FBXW7: variants seen among roughly 807,000 people sequenced by gnomAD.
FBXW7 encodes F-box/WD repeat-containing protein 7.
In FBXW7, 11 loss-of-function variants were observed where a neutral mutation model predicts 86.3. The observed-to-expected ratio is 0.13, with a 90% CI of 0.08 to 0.21. The LOEUF (loss-of-function observed/expected upper bound fraction) is 0.21, where lower values mean the gene tolerates loss of function less well. FBXW7 is among the 10% of genes least tolerant of loss of function. FBXW7 has a pLI of 1.00. For synonymous variants in FBXW7, 313 were observed against 297.9 expected (o/e 1.05, Z -0.52); for missense variants, 488 against 847.4 (o/e 0.58, Z 5.27).
chr4:152,435,687 G>A (rs566967062), intron 2 of FBXW7, among the ~76,000 whole-genome samples: 1 of 152,250 alleles, frequency 6.6e-6, no homozygotes, highest in South Asian at 2.1e-4. Context: ...TGTTTTACAG[G>A]CATACCTCAT....
intron 2 of FBXW7, among the ~76,000 whole-genome samples, chr4:152,453,406 G>C (rs1221541009): frequency 1.3e-5 from 2 of 151,940 alleles, no homozygotes; most frequent in East Asian, 3.9e-4. Context: ...TACAACTCTG[G>C]TTCATTCAGT....
chr4:152,445,706 G>A (rs1741309761), intron 2 of FBXW7, among the ~76,000 whole-genome samples: 1 of 152,046 alleles, frequency 6.6e-6, no homozygotes, highest in Admixed American at 6.6e-5. Context: ...CCAGGAGTTA[G>A]AGATCAGCCT....
chr4:152,372,373 T>C (rs1560818658), intron 4 of FBXW7, among the ~76,000 whole-genome samples: 1 of 151,990 alleles, frequency 6.6e-6, no homozygotes, highest in East Asian at 1.9e-4. Context: ...GACAGCTGTG[T>C]TCCTAAATTC....
chr4:152,441,629 T>C (rs1055239201), intron 2 of FBXW7, among the ~76,000 whole-genome samples: 2 of 152,182 alleles, frequency 1.3e-5, no homozygotes, highest in African/African-American at 2.4e-5. Context: ...TATCACAAAA[T>C]ACGCAAAGAG....
chr4:152,367,877 T>A (rs1230944717), intron 4 of FBXW7, among the ~76,000 whole-genome samples: 2 of 152,026 alleles, frequency 1.3e-5, no homozygotes, highest in Non-Finnish European at 2.9e-5. Context: ...GTGACAGTAT[T>A]AATGCTTTTA....
At chr4:152,532,769 C>G (rs986136762) in intron 2 of FBXW7, among the ~76,000 whole-genome samples, 1 of 152,174 alleles carries the variant, frequency 6.6e-6, no homozygotes, top group Non-Finnish European at 1.5e-5. Context: ...GGTCTATCCC[C>G]CCTCTCCTAT....
At chr4:152,345,163 C>T (rs1012149446) in intron 6 of FBXW7, among the ~76,000 whole-genome samples, 3 of 151,878 alleles carry the variant, frequency 2.0e-5, no homozygotes, top group Non-Finnish European at 4.4e-5. Context: ...GTTTTATTTT[C>T]GCCTCTTATT....
intron 2 of FBXW7, among the ~76,000 whole-genome samples, chr4:152,454,975 T>C (rs1020243184): frequency 6.6e-6 from 1 of 152,114 alleles, no homozygotes; most frequent in Non-Finnish European, 1.5e-5. Context: ...TAAATTAAAA[T>C]GTGTTTTTAA....
At chr4:152,468,549 C>T (rs561191886) in intron 2 of FBXW7, among the ~76,000 whole-genome samples, 1 of 152,194 alleles carries the variant, frequency 6.6e-6, no homozygotes, top group South Asian at 2.1e-4. Context: ...CCAGAATAGG[C>T]AAACCTATAC....
intron 4 of FBXW7, among the ~76,000 whole-genome samples, chr4:152,373,842 A>G (rs1734229580): frequency 6.6e-6 from 1 of 152,014 alleles, no homozygotes; most frequent in Non-Finnish European, 1.5e-5. Flanking sequence ...TCATCATCTT[A>G]TTTATAGCCG....
intron 4 of FBXW7, among the ~76,000 whole-genome samples, chr4:152,372,576 T>G (rs1734099679): frequency 6.6e-6 from 1 of 151,994 alleles, no homozygotes; most frequent in Non-Finnish European, 1.5e-5. Flanking sequence ...TTTCAGAGCA[T>G]GATGGATTTC....
At chr4:152,331,027 T>C in intron 8 of FBXW7, among the ~76,000 whole-genome samples, 159 bp from the exon 9 acceptor site, 2 of 152,170 alleles carry the variant, frequency 1.3e-5, no homozygotes, top group South Asian at 2.1e-4. Context: ...TCACAGTATG[T>C]AGCAATAATG....
intron 2 of FBXW7, among the ~76,000 whole-genome samples, chr4:152,413,896 C>T (rs556569372): frequency 2.6e-4 from 40 of 152,046 alleles, no homozygotes; most frequent in Non-Finnish European, 5.0e-4. Flanking sequence ...AATTATGAAA[C>T]ATTTCTGGTA....
At chr4:152,399,332 A>G (rs1469527203) in intron 4 of FBXW7, among the ~76,000 whole-genome samples, 1 of 152,220 alleles carries the variant, frequency 6.6e-6, no homozygotes, top group Non-Finnish European at 1.5e-5. Context: ...AACTTGATAA[A>G]GACTACCTAT....
intron 4 of FBXW7, among the ~76,000 whole-genome samples, chr4:152,382,870 T>C (rs1735212319): frequency 2.6e-5 from 4 of 152,166 alleles, no homozygotes; most frequent in Admixed American, 2.6e-4. Context: ...TGAACTGTGT[T>C]TACGTATGGT....
chr4:152,359,964 C>A (rs1180921903), intron 4 of FBXW7, among the ~76,000 whole-genome samples: 1 of 152,058 alleles, frequency 6.6e-6, no homozygotes. Flanking sequence ...AGGAAATTAC[C>A]ACCTGTGGAC....
chr4:152,330,795 A>G lies in FBXW7; in HGVS notation c.1059T>C (p.Ser353=), dbSNP rs769016192. 4.3e-6 allele frequency: 7 copies of G among 1,612,654 alleles called. No homozygotes were observed. Among genetic ancestry groups the G allele is most frequent in the Non-Finnish European group, 3.4e-6 (4 of 1,178,970 alleles). ...KPGFIHSPWK[S]AYIRQHRIDT... is the part of the protein sequence containing the mutation. ...CAATTCTGTGCTGTCTGATGTATGC[A>G]CTTTTCCATGGACTGTGTATGAAAC... The change falls in exon 9 of 14, where the codon AGT becomes AGC. Residue 353 remains serine, a synonymous_variant. Coordinates refer to ENST00000281708, the MANE Select transcript of FBXW7 (RefSeq NM_001349798.2).
intron 2 of FBXW7, among the ~76,000 whole-genome samples, chr4:152,506,942 A>G (rs902646350): frequency 6.6e-6 from 1 of 152,224 alleles, no homozygotes. Flanking sequence ...AATATGAATG[A>G]ATTCTGTGAA....
At chr4:152,531,242 T>C (rs1331334088) in intron 2 of FBXW7, among the ~76,000 whole-genome samples, 1 of 152,174 alleles carries the variant, frequency 6.6e-6, no homozygotes, top group Non-Finnish European at 1.5e-5. Context: ...GCACAAAAAA[T>C]GTTGTGGAAA....
Sources: allele counts gnomAD v4.1 joint callset (sites outside exome capture counted in the v4.1 genomes callset), GRCh38; gene constraint gnomAD v4.1.1; transcripts MANE v1.5; gene names NCBI Gene and HGNC (gene_info 2026-07-23, HGNC 2026-07-21).